Variants in NID1 observed in about 807,000 individuals in gnomAD.
The protein encoded by NID1 is nidogen-1.
In NID1, 76 loss-of-function variants were observed where a neutral mutation model predicts 130.6. The ratio of observed to expected loss-of-function variants is 0.58; its 90% CI spans 0.48 to 0.70. The LOEUF (loss-of-function observed/expected upper bound fraction) is 0.70, where lower values mean the gene tolerates loss of function less well. Among genes scored for constraint, NID1 ranks in the 30% least tolerant of loss-of-function variants. The pLI is 0.00. For missense variants in NID1, 1,517 were observed against 1,664.8 expected, an observed-to-expected ratio of 0.91 and a Z score of 1.54; for synonymous variants, 665 against 675.1, an observed-to-expected ratio of 0.98 and a Z score of 0.23.
rs1657242922 is a variant in NID1 at position 235,976,217 on chromosome 1, T to A, written c.*1650A>T. On this transcript the variant is annotated 3_prime_UTR_variant, in exon 20 of 20. Transcript: ENST00000264187. Reference sequence around the variant, plus strand: ...GACTTTCTTTCAATTCAGGTTCCAATGTACTGCAGAAGCAAGTGAGGACAA... The same window carrying A: ...GACTTTCTTTCAATTCAGGTTCCAAAGTACTGCAGAAGCAAGTGAGGACAA... 6.6e-6 allele frequency: 1 copy of A among 152,164 alleles called. No individual in the cohort carries two copies. Among genetic ancestry groups the A allele is most frequent in the Admixed American group, 6.5e-5 (1 of 15,268 alleles). 9.4% of individuals were successfully genotyped at this position (152,164 alleles called of 1,614,324 possible).
rs146652740 is a variant in NID1, at chr1:236,045,668, C to T, written c.541G>A (p.Ala181Thr). The stretch of plus-strand genomic sequence containing the variant: ...CTGGAATCAGAGGAGGCTAGAACAG[C>T]CTGGAACGTGTTTCTCTGTGAAGAT... ...DQKGKRNTFQ[A>T]VLASSDSSSY... The change falls in exon 3 of 20, where the codon GCT becomes ACT. Residue 181 changes from alanine (A) to threonine (T), a missense_variant. By Grantham distance (58) the Ala-to-Thr change is moderately conservative. Transcript: ENST00000264187. The T allele has an allele frequency of 1.6e-5, 25 of 1,611,844 alleles. No individual in the cohort carries two copies. Among genetic ancestry groups the T allele is most frequent in the Non-Finnish European group, 1.8e-5 (21 of 1,178,982 alleles).
chr1:236,013,935 G>C (rs1371493554), intron 10 of NID1, among the ~76,000 whole-genome samples: 1 of 152,176 alleles, frequency 6.6e-6, no homozygotes, highest in Non-Finnish European at 1.5e-5. Flanking sequence ...CCACACTTCT[G>C]ATGGCAACTC....
At chr1:236,057,763 A>G (rs557778073) in intron 1 of NID1, among the ~76,000 whole-genome samples, 1 of 152,212 alleles carries the variant, frequency 6.6e-6, no homozygotes, top group South Asian at 2.1e-4. Context: ...AAAGGAAAAA[A>G]AAGAAAAGAA....
chr1:235,977,748 T>C lies in NID1; in HGVS notation c.*119A>G. The C allele has an allele frequency of 1.7e-6, 2 of 1,162,900 alleles. No individual in the cohort carries two copies. Among genetic ancestry groups the C allele is most frequent in the Non-Finnish European group, 2.5e-6 (2 of 809,242 alleles). 72.0% of individuals were successfully genotyped at this position (1,162,900 alleles called of 1,614,324 possible). Reference sequence around the variant, plus strand: ...AGGGAAAAGTTGTTGGGGCTCAGGCTGGGCTGGGTCTGGGCCTAGTGGCCA... The same window carrying C: ...AGGGAAAAGTTGTTGGGGCTCAGGCCGGGCTGGGTCTGGGCCTAGTGGCCA... On this transcript the variant is annotated 3_prime_UTR_variant, in exon 20 of 20. Transcript: ENST00000264187.
chr1:236,018,687 G>A (rs1658669864), intron 9 of NID1, among the ~76,000 whole-genome samples: 1 of 152,178 alleles, frequency 6.6e-6, no homozygotes, highest in African/African-American at 2.4e-5. Flanking sequence ...ATGTGCATGA[G>A]GAGGGCCTCC....
chr1:235,994,687 ACTT>A (rs758127745), intron 12 of NID1, among the ~76,000 whole-genome samples: 8 of 140,582 alleles, frequency 5.7e-5, no homozygotes, highest in African/African-American at 1.8e-4. Flanking sequence ...ATCATCTCAA[ACTT>A]CTTCTTCTTC....
intron 5 of NID1, 146 bp downstream of exon 5, chr1:236,037,958 A>C: frequency 1.1e-6 from 1 of 921,688 alleles, no homozygotes; most frequent in Middle Eastern, 2.3e-4. Context: ...AGAAAAAATG[A>C]GGAAAGAGAG....
At chr1:236,002,586 G>A (rs1021615305) in intron 12 of NID1, among the ~76,000 whole-genome samples, 3 of 152,324 alleles carry the variant, frequency 2.0e-5, no homozygotes, top group Admixed American at 2.0e-4. Context: ...CAGCAGCCTA[G>A]GCGCAGTGGC....
intron 2 of NID1, among the ~76,000 whole-genome samples, chr1:236,048,443 A>G (rs1435947121): frequency 2.0e-5 from 3 of 152,198 alleles, no homozygotes; most frequent in Non-Finnish European, 2.9e-5. Flanking sequence ...TTTTTGCCAC[A>G]TAGCAGTCTT....
In NID1 at chr1:236,012,060, A is replaced by G; in HGVS notation, c.2405-17T>C. The G allele has an allele frequency of 1.9e-6, 3 of 1,605,414 alleles. No individual in the cohort carries two copies. The highest frequency in any genetic ancestry group is 1.7e-6 in the Non-Finnish European group (2 of 1,172,570). ...CATCTACATCTGTAAAACAGCCACCAGGCCCAGGGACAATGAGATTTCTTC... is the reference window on the plus strand; with the variant it reads ...CATCTACATCTGTAAAACAGCCACCGGGCCCAGGGACAATGAGATTTCTTC... On this transcript the variant is annotated splice_polypyrimidine_tract_variant and intron_variant, in intron 11 of 19. Transcript: ENST00000264187.
At position 235,993,755 on chromosome 1, in the gene NID1, C is replaced by T. The variant is rs1657834291; in HGVS notation, c.2645G>A (p.Gly882Glu). 1.2e-6 allele frequency: 2 copies of T among 1,613,712 alleles called. No homozygotes were observed. Among genetic ancestry groups the T allele is most frequent in the South Asian group, 2.2e-5 (2 of 91,074 alleles). ...GTGGCACTGGGTGGGCGCGTAGTGC[C>T]CGTGCGCATCGCACTCAGGAACGAA... Reference protein sequence around the residue: ...GLFVPECDAHGHYAPTQCHGS... With the variant: ...GLFVPECDAHEHYAPTQCHGS... The change falls in exon 13 of 20, where the codon GGG becomes GAG. Residue 882 changes from glycine to glutamate, a missense_variant. Coordinates refer to ENST00000264187, the MANE Select transcript of NID1 (RefSeq NM_002508.3).
At chr1:236,046,519 A>G (rs999055458) in intron 2 of NID1, among the ~76,000 whole-genome samples, 3 of 152,036 alleles carry the variant, frequency 2.0e-5, no homozygotes, top group Non-Finnish European at 2.9e-5. Flanking sequence ...AGTCTGAATG[A>G]ACAAGCAGGA....
rs141664644 is a variant in NID1, at chr1:236,028,892, T to A, written c.1738+658A>T. Among the ~76,000 whole-genome samples, 1,156 of 152,230 alleles carry A rather than the reference T, an allele frequency of 7.6e-3. 16 individuals carry two copies. Among genetic ancestry groups the A allele is most frequent in the African/African-American group, 0.027 (1,114 of 41,558 alleles). On this transcript the variant is annotated intron_variant, in intron 7 of 19. Coordinates refer to ENST00000264187, the MANE Select transcript of NID1 (RefSeq NM_002508.3). ...TGTAGTTTTTAATAGTACATACAGA[T>A]GTGGCCGGGCGCAGTTGCTCACACC...
intron 2 of NID1, among the ~76,000 whole-genome samples, chr1:236,048,379 C>T (rs1476834536): frequency 6.6e-6 from 1 of 151,856 alleles, no homozygotes; most frequent in Non-Finnish European, 1.5e-5. Context: ...ATTATCCTTC[C>T]ACTATCTGCC....
rs984477697 is a variant in NID1, at chr1:236,032,754, G to A, written c.1286-102C>T. Reference sequence around the variant, plus strand: ...TGTACCTATTGGTGAAGAAAGCAAAGAAACAAAACAGCACTGGGGTCAATG... The same window carrying A: ...TGTACCTATTGGTGAAGAAAGCAAAAAAACAAAACAGCACTGGGGTCAATG... On this transcript the variant is annotated intron_variant, in intron 5 of 19. Coordinates refer to ENST00000264187, the MANE Select transcript of NID1 (RefSeq NM_002508.3). The A allele has an allele frequency of 7.5e-6, 11 of 1,460,994 alleles. No homozygotes were observed. In the African/African-American group the frequency reaches 1.6e-4, roughly 21 times the overall value. 90.5% of individuals were successfully genotyped at this position (1,460,994 alleles called of 1,614,324 possible). A position where few individuals can be genotyped will look rare whatever the true frequency, so the allele number is the denominator to read the frequency against.
At chr1:236,016,593 C>T (rs148097967) in intron 10 of NID1, among the ~76,000 whole-genome samples, 1 of 152,290 alleles carries the variant, frequency 6.6e-6, no homozygotes, top group Non-Finnish European at 1.5e-5. Flanking sequence ...TCACCCAAAT[C>T]ATCATTCAGC....
chr1:235,990,875 C>A lies in NID1; in HGVS notation c.2928+11G>T. 1.2e-6 allele frequency: 2 copies of A among 1,613,844 alleles called. No individual in the cohort carries two copies. The highest frequency in any genetic ancestry group is 2.2e-5 in the South Asian group (2 of 91,056). On this transcript the variant is annotated intron_variant, in intron 14 of 19. Transcript: ENST00000264187. ...AGGAGCTGTCACCAGGTATAATCAG[C>A]CAGCACTCACCGGGACATGAAGGAA...
chr1:236,056,018 G>A (rs560238614), intron 1 of NID1, among the ~76,000 whole-genome samples: 36 of 152,156 alleles, frequency 2.4e-4, no homozygotes, highest in Admixed American at 2.4e-3. Flanking sequence ...GTTTGACAGG[G>A]CCACCAAGAA....
intron 3 of NID1, among the ~76,000 whole-genome samples, chr1:236,043,134 C>T (rs1034765111): frequency 2.6e-5 from 4 of 152,282 alleles, no homozygotes; most frequent in Admixed American, 2.0e-4. Flanking sequence ...TGCCTCTCTT[C>T]CATTTGGTTG....
Sources: gnomAD v4.1 joint callset for allele counts (sites outside exome capture counted in the v4.1 genomes callset) on GRCh38, gnomAD v4.1.1 for gene constraint, MANE v1.5 for transcripts, NCBI Gene and HGNC (gene_info 2026-07-23, HGNC 2026-07-21) for gene names.